THSD7B: variants seen among roughly 807,000 people sequenced by gnomAD.
THSD7B encodes the protein thrombospondin type-1 domain-containing protein 7B.
A neutral mutation model predicts 213.6 loss-of-function variants in THSD7B; 138 were observed. The ratio of observed to expected loss-of-function variants is 0.65; its 90% CI spans 0.56 to 0.74. The LOEUF (loss-of-function observed/expected upper bound fraction) is 0.74, where lower values mean the gene tolerates loss of function less well. THSD7B is among the 30% of genes least tolerant of loss of function. The pLI is 0.00. For synonymous variants in THSD7B, 742 were observed against 687.0 expected (o/e 1.08, Z -1.25); for missense variants, 1,931 against 1,991.5 (o/e 0.97, Z 0.58).
intron 11 of THSD7B, 70 bp downstream of exon 11, chr2:137,272,732 A>G (rs1227444964): frequency 2.0e-6 from 3 of 1,518,158 alleles, no homozygotes; most frequent in Admixed American, 2.1e-5. Flanking sequence ...TTCACATAAC[A>G]TATGGTCGTT....
At chr2:137,494,109 T>C (rs545502780) in intron 15 of THSD7B, among the ~76,000 whole-genome samples, 7 of 152,226 alleles carry the variant, frequency 4.6e-5, no homozygotes, top group Non-Finnish European at 8.8e-5. Flanking sequence ...TATTAAATTT[T>C]AAAGCTGTGG....
intron 12 of THSD7B, among the ~76,000 whole-genome samples, chr2:137,324,008 A>ATGAG (rs543583272): frequency 1.6e-4 from 24 of 152,326 alleles, no homozygotes; most frequent in African/African-American, 5.8e-4. Flanking sequence ...GCTCATAGTA[A>ATGAG]TGAGTGGCCC....
At chr2:136,983,505 T>A (rs72848259) in intron 2 of THSD7B, among the ~76,000 whole-genome samples, 109 of 74,102 alleles carry the variant, frequency 1.5e-3, no homozygotes, top group Middle Eastern at 7.2e-3. Flanking sequence ...AAAATCTGTT[T>A]TTTTTTTTTT....
intron 9 of THSD7B, among the ~76,000 whole-genome samples, chr2:137,239,206 T>C (rs1396522952): frequency 2.6e-5 from 4 of 152,120 alleles, no homozygotes; most frequent in Non-Finnish European, 5.9e-5. Context: ...CTATACACCC[T>C]TCACTCGGCT....
At chr2:137,221,147 A>C (rs1046451084) in intron 7 of THSD7B, among the ~76,000 whole-genome samples, 1 of 151,998 alleles carries the variant, frequency 6.6e-6, no homozygotes, top group Non-Finnish European at 1.5e-5. Flanking sequence ...ATTAGGCAGG[A>C]GTGGTGGCGG....
intron 4 of THSD7B, among the ~76,000 whole-genome samples, chr2:137,114,140 TC>T (rs1307330246): frequency 6.6e-6 from 1 of 152,240 alleles, no homozygotes; most frequent in Non-Finnish European, 1.5e-5. Flanking sequence ...TGGTTTTTCC[TC>T]TTTTTTCTTT....
At chr2:137,085,099 C>T (rs1165384706) in intron 3 of THSD7B, among the ~76,000 whole-genome samples, 2 of 152,176 alleles carry the variant, frequency 1.3e-5, no homozygotes, top group African/African-American at 2.4e-5. Flanking sequence ...CAGGTTTATA[C>T]ACATGAAGCA....
intron 15 of THSD7B, among the ~76,000 whole-genome samples, chr2:137,555,526 A>G (rs1211495459): frequency 6.6e-6 from 1 of 152,196 alleles, no homozygotes; most frequent in Non-Finnish European, 1.5e-5. Flanking sequence ...GGACATCCAC[A>G]CCAAAACCCC....
chr2:137,117,104 C>A (rs10221604), intron 5 of THSD7B, among the ~76,000 whole-genome samples: 5,058 of 152,270 alleles, frequency 0.033, 287 homozygotes, highest in African/African-American at 0.11. Context: ...TAACACAGCA[C>A]AGCTGCCATA....
intron 4 of THSD7B, among the ~76,000 whole-genome samples, chr2:137,104,682 G>C (rs1018160124): frequency 6.6e-6 from 1 of 152,060 alleles, no homozygotes; most frequent in Non-Finnish European, 1.5e-5. Context: ...AAGAATAAAA[G>C]AGAGAAGAAT....
At chr2:137,405,897 T>C (rs1006097732) in intron 13 of THSD7B, 90 bp downstream of exon 13, 3 of 1,200,092 alleles carry the variant, frequency 2.5e-6, no homozygotes, top group Non-Finnish European at 3.4e-6. Flanking sequence ...GACAGGAATT[T>C]GCATCAGGTC....
chr2:137,307,260 T>G (rs745753484), intron 12 of THSD7B, among the ~76,000 whole-genome samples: 28 of 152,116 alleles, frequency 1.8e-4, no homozygotes, highest in Admixed American at 1.5e-3. Context: ...ACACTTCTGA[T>G]ATTGGTGCTA....
At chr2:136,787,512 A>G (rs1438907810) in intron 1 of THSD7B, among the ~76,000 whole-genome samples, 1 of 152,158 alleles carries the variant, frequency 6.6e-6, no homozygotes, top group African/African-American at 2.4e-5. Context: ...AGGTTGCTTT[A>G]TAAAATGTGC....
intron 14 of THSD7B, among the ~76,000 whole-genome samples, chr2:137,445,490 A>G (rs909677988): frequency 1.3e-5 from 2 of 151,970 alleles, no homozygotes; most frequent in African/African-American, 2.4e-5. Flanking sequence ...ATTATGTTAC[A>G]TGAAATAAGC....
chr2:137,667,692 G>T (rs1273471790), intron 26 of THSD7B, 82 bp from the exon 27 acceptor site: 4 of 1,153,078 alleles, frequency 3.5e-6, no homozygotes, highest in Non-Finnish European at 5.0e-6. Context: ...GCTTGGGGTT[G>T]TCAGATCTGA....
At chr2:137,239,510 A>G (rs1226333549) in intron 9 of THSD7B, among the ~76,000 whole-genome samples, 1 of 152,186 alleles carries the variant, frequency 6.6e-6, no homozygotes, top group East Asian at 1.9e-4. Context: ...AGCAAATTCA[A>G]GTATATATCA....
chr2:137,399,785 G>A (rs182348753), intron 12 of THSD7B, among the ~76,000 whole-genome samples: 1 of 152,004 alleles, frequency 6.6e-6, no homozygotes, highest in African/African-American at 2.4e-5. Flanking sequence ...CCTTAAATAA[G>A]GTTTCTAAAC....
intron 1 of THSD7B, among the ~76,000 whole-genome samples, chr2:136,852,133 C>T (rs1426460037): frequency 1.3e-5 from 2 of 151,980 alleles, no homozygotes. Context: ...AGAGAACTTT[C>T]TCTGGCTCAA....
intron 14 of THSD7B, among the ~76,000 whole-genome samples, chr2:137,444,362 A>C (rs1487478646): frequency 2.0e-5 from 3 of 152,054 alleles, no homozygotes; most frequent in African/African-American, 7.2e-5. Flanking sequence ...CAAAGTATTG[A>C]TCTAACTTCT....
Sources: allele counts gnomAD v4.1 joint callset (sites outside exome capture counted in the v4.1 genomes callset), GRCh38; gene constraint gnomAD v4.1.1; transcripts MANE v1.5; gene names NCBI Gene and HGNC (gene_info 2026-07-23, HGNC 2026-07-21).